Variants in SUGCT observed in about 807,000 individuals in gnomAD.
SUGCT encodes the protein succinyl-CoA:glutarate-CoA transferase.
SUGCT carries 41 observed loss-of-function variants against 55.0 expected under a neutral mutation model. The observed-to-expected ratio is 0.74, with a 90% CI of 0.58 to 0.97. SUGCT has a LOEUF of 0.97. SUGCT is among the 50% of genes least tolerant of loss of function. The pLI, the probability that SUGCT is intolerant of heterozygous loss-of-function variation, is 0.00. For synonymous variants in SUGCT, 187 were observed against 200.4 expected (o/e 0.93, Z 0.56); for missense variants, 568 against 547.8 (o/e 1.04, Z -0.37).
intron 12 of SUGCT, among the ~76,000 whole-genome samples, chr7:40,575,893 G>C (rs1292430057): frequency 2.0e-5 from 3 of 150,054 alleles, no homozygotes; most frequent in South Asian, 2.1e-4. Flanking sequence ...GCAGTGAGCC[G>C]AGATTGTGCC....
chr7:40,446,336 C>T (rs7785137), intron 9 of SUGCT, among the ~76,000 whole-genome samples: 20,681 of 152,054 alleles, frequency 0.14, 1,860 homozygotes, highest in Middle Eastern at 0.26. Context: ...TATTCGCCCC[C>T]CATCTCACCC....
intron 6 of SUGCT, among the ~76,000 whole-genome samples, chr7:40,226,771 G>A (rs1788389783): frequency 6.6e-6 from 1 of 151,654 alleles, no homozygotes; most frequent in African/African-American, 2.4e-5. Flanking sequence ...AAATTCCTTG[G>A]TGTACTTTTA....
chr7:40,491,851 G>C (rs755221397), intron 11 of SUGCT, among the ~76,000 whole-genome samples: 2 of 152,044 alleles, frequency 1.3e-5, no homozygotes, highest in South Asian at 2.1e-4. Flanking sequence ...TTAGCCAGGC[G>C]TGGTGGTGGG....
chr7:40,972,221 C>G, the SUGCT span, among the ~76,000 whole-genome samples: 1 of 152,134 alleles, frequency 6.6e-6, no homozygotes, highest in Non-Finnish European at 1.5e-5. Context: ...TGCACTCTAC[C>G]TTGTGTATCT....
intron 5 of SUGCT, among the ~76,000 whole-genome samples, chr7:40,190,886 A>T (rs1207422052): frequency 1.3e-5 from 2 of 152,142 alleles, no homozygotes; most frequent in Non-Finnish European, 2.9e-5. Context: ...TGGGTTTTGC[A>T]TCCAGTGAAT....
chr7:40,504,466 G>A (rs1792475343), intron 12 of SUGCT, among the ~76,000 whole-genome samples: 1 of 151,762 alleles, frequency 6.6e-6, no homozygotes, highest in African/African-American at 2.4e-5. Flanking sequence ...GCAGTGCCTT[G>A]GTCTGTTGTC....
At chr7:40,518,845 A>G (rs1196993624) in intron 12 of SUGCT, among the ~76,000 whole-genome samples, 1 of 152,094 alleles carries the variant, frequency 6.6e-6, no homozygotes, top group Non-Finnish European at 1.5e-5. Flanking sequence ...AGATAATCCA[A>G]ATGACAATAA....
At chr7:40,421,519 T>C (rs1787307678) in intron 9 of SUGCT, among the ~76,000 whole-genome samples, 1 of 152,178 alleles carries the variant, frequency 6.6e-6, no homozygotes, top group African/African-American at 2.4e-5. Flanking sequence ...CATGAGCTTC[T>C]TGATTTATTT....
chr7:40,444,700 T>C (rs1788713625), intron 9 of SUGCT, among the ~76,000 whole-genome samples: 1 of 152,168 alleles, frequency 6.6e-6, no homozygotes, highest in African/African-American at 2.4e-5. Flanking sequence ...CTTTTCCTAA[T>C]TGAGTACCCT....
intron 12 of SUGCT, among the ~76,000 whole-genome samples, chr7:40,666,882 A>G (rs187086834): frequency 9.2e-5 from 14 of 152,248 alleles, no homozygotes; most frequent in Admixed American, 8.5e-4. Context: ...TCATGGGAGC[A>G]CTTTGCGAGG....
At chr7:40,938,841 G>T in the SUGCT span, among the ~76,000 whole-genome samples, 1 of 152,166 alleles carries the variant, frequency 6.6e-6, no homozygotes, top group South Asian at 2.1e-4. Flanking sequence ...TCCTGCAAAA[G>T]ACATTATTTC....
chr7:40,605,693 G>A (rs542209349), intron 12 of SUGCT, among the ~76,000 whole-genome samples: 16 of 152,332 alleles, frequency 1.1e-4, no homozygotes, highest in African/African-American at 3.4e-4. Context: ...AATTGCGAGG[G>A]AAACACAGAG....
chr7:40,956,479 T>G, the SUGCT span, among the ~76,000 whole-genome samples: 13 of 152,200 alleles, frequency 8.5e-5, no homozygotes, highest in Non-Finnish European at 1.5e-4. Flanking sequence ...TCATATTCCC[T>G]TTATCATTTT....
chr7:40,220,673 C>G (rs1445768645), intron 6 of SUGCT, among the ~76,000 whole-genome samples: 5 of 152,154 alleles, frequency 3.3e-5, no homozygotes, highest in African/African-American at 1.2e-4. Context: ...GGCACAATTC[C>G]ACAAATACAT....
At chr7:40,846,527 G>A (rs1196244977) in intron 13 of SUGCT, among the ~76,000 whole-genome samples, 1 of 152,126 alleles carries the variant, frequency 6.6e-6, no homozygotes, top group Non-Finnish European at 1.5e-5. Context: ...TATTTTTCCA[G>A]TAGGAAATGG....
chr7:40,230,315 C>G (rs1006175215), intron 6 of SUGCT, among the ~76,000 whole-genome samples: 1 of 152,102 alleles, frequency 6.6e-6, no homozygotes, highest in South Asian at 2.1e-4. Context: ...ATGCATGTCA[C>G]GTGGTGGCCA....
chr7:40,627,104 A>G (rs1200027755), intron 12 of SUGCT, among the ~76,000 whole-genome samples: 2 of 152,226 alleles, frequency 1.3e-5, no homozygotes, highest in Admixed American at 1.3e-4. Flanking sequence ...AGGCATGTAG[A>G]CAAAGAAGAG....
intron 1 of SUGCT, chr7:40,153,590 A>ATAACTCTTACCCC (rs372102193): frequency 3.9e-4 from 198 of 507,894 alleles, no homozygotes; most frequent in African/African-American, 3.5e-3. Context: ...CCCCTGGGAT[A>ATAACTCTTACCCC]CTCAGCCTCT....
the SUGCT span, among the ~76,000 whole-genome samples, chr7:40,950,515 G>C: frequency 2.0e-4 from 31 of 152,116 alleles, no homozygotes; most frequent in Non-Finnish European, 3.8e-4. Flanking sequence ...TGGTGAGAGA[G>C]GGCATCCCTG....
Sources: allele counts gnomAD v4.1 joint callset (sites outside exome capture counted in the v4.1 genomes callset), GRCh38; gene constraint gnomAD v4.1.1; transcripts MANE v1.5; gene names NCBI Gene and HGNC (gene_info 2026-07-23, HGNC 2026-07-21).